Variants in LVRN observed in about 807,000 individuals in gnomAD.
LVRN encodes the protein laeverin, also known as aminopeptidase Q.
LVRN carries 99 observed loss-of-function variants against 111.4 expected under a neutral mutation model. That is an observed-to-expected ratio of 0.89 (90% CI 0.76 to 1.05). LVRN has a LOEUF of 1.05. Ranked by LOEUF, LVRN falls within the 50% of genes least tolerant of loss-of-function variation. LVRN has a pLI of 0.00. For synonymous variants in LVRN, 488 were observed against 449.5 expected (o/e 1.09, Z -1.08); for missense variants, 1,414 against 1,206.8 (o/e 1.17, Z -2.54).
rs952678140 is a variant in LVRN, at chr5:115,992,333, C to T, written c.1260+56C>T. 29 of 1,591,180 alleles carry T rather than the reference C, an allele frequency of 1.8e-5. No individual in the cohort carries two copies. The African/African-American group carries it at 3.9e-4, about 22-fold the overall frequency. ...TTGAAGTTATTCTCCAGGTGCGCTA[C>T]CAAAATAGCATAAAAACCCCAGTAA... On this transcript the variant is annotated intron_variant, in intron 5 of 19. Transcript: ENST00000357872.
rs369804921 is a variant in LVRN at position 116,002,157 on chromosome 5, T to C, written c.1821-678T>C. On this transcript the variant is annotated intron_variant, in intron 10 of 19. Coordinates refer to ENST00000357872, the MANE Select transcript of LVRN (RefSeq NM_173800.5). ...ACTCTGTGGTTTTTGAGAAGACCTG[T>C]GTGTCTTAGCTATGCAGATAAACAC... Among the ~76,000 whole-genome samples, 26 of 152,346 alleles carry C rather than the reference T, an allele frequency of 1.7e-4. No individual in the cohort carries two copies. In the South Asian group the frequency reaches 1.9e-3, roughly 11 times the overall value.
intron 1 of LVRN, among the ~76,000 whole-genome samples, chr5:115,981,382 C>T (rs761341153): frequency 2.0e-5 from 3 of 152,048 alleles, no homozygotes; most frequent in Non-Finnish European, 4.4e-5. Flanking sequence ...ACCAGGGCGA[C>T]GAATATGACT....
At chr5:115,967,214 T>G (rs1429741982) in intron 1 of LVRN, among the ~76,000 whole-genome samples, 3 of 152,202 alleles carry the variant, frequency 2.0e-5, no homozygotes, top group Non-Finnish European at 4.4e-5. Flanking sequence ...GTGTCATGCC[T>G]GAGAACTCTT....
intron 1 of LVRN, among the ~76,000 whole-genome samples, chr5:115,980,517 G>T (rs1753539809): frequency 6.6e-6 from 1 of 152,084 alleles, no homozygotes; most frequent in African/African-American, 2.4e-5. Flanking sequence ...TGTTTGATTT[G>T]CTGAAGTGGT....
At chr5:115,994,461 C>T (rs954595996) in intron 6 of LVRN, among the ~76,000 whole-genome samples, 8 of 152,130 alleles carry the variant, frequency 5.3e-5, no homozygotes, top group South Asian at 2.1e-4. Flanking sequence ...TTTGTAGAGA[C>T]GGGGTTTCGC....
intron 13 of LVRN, among the ~76,000 whole-genome samples, chr5:116,009,914 G>T (rs574838864): frequency 6.6e-6 from 1 of 152,342 alleles, no homozygotes; most frequent in East Asian, 1.9e-4. Flanking sequence ...AGCAGGATGT[G>T]TGAGGGGATT....
rs745873276 is a variant in LVRN at position 116,000,519 on chromosome 5, T to A, written c.1581+21T>A. On this transcript the variant is annotated intron_variant, in intron 8 of 19. Coordinates refer to ENST00000357872, the MANE Select transcript of LVRN (RefSeq NM_173800.5). Reference sequence around the variant, plus strand: ...TCAAGGTGAGTTTGCAAAATAGTCGTTACCTGGATGGCAGTAAACATAAAT... The same window carrying A: ...TCAAGGTGAGTTTGCAAAATAGTCGATACCTGGATGGCAGTAAACATAAAT... 3.1e-6 allele frequency: 5 copies of A among 1,613,550 alleles called. No individual in the cohort carries two copies. In the East Asian group the frequency reaches 8.9e-5, roughly 29 times the overall value.
chr5:116,023,822 G>A (rs1314507369), intron 19 of LVRN, among the ~76,000 whole-genome samples: 2 of 152,174 alleles, frequency 1.3e-5, no homozygotes, highest in Non-Finnish European at 2.9e-5. Flanking sequence ...TTATCCTACT[G>A]GGAGGAATGT....
intron 12 of LVRN, 80 bp from the exon 13 acceptor site, chr5:116,005,832 T>C: frequency 8.1e-7 from 1 of 1,227,982 alleles, no homozygotes; most frequent in Non-Finnish European, 1.2e-6. Context: ...AGCAGTAATC[T>C]TTAAATTGTT....
chr5:116,025,181 T>A (rs1282085900), intron 19 of LVRN, among the ~76,000 whole-genome samples: 1 of 152,068 alleles, frequency 6.6e-6, no homozygotes, highest in East Asian at 1.9e-4. Context: ...GGGGGAGGAT[T>A]GTTCCTGGCT....
At chr5:115,985,310 A>G (rs1176941862) in intron 3 of LVRN, among the ~76,000 whole-genome samples, 1 of 152,146 alleles carries the variant, frequency 6.6e-6, no homozygotes, top group Non-Finnish European at 1.5e-5. Flanking sequence ...TTGGTTTGGA[A>G]TGTTTTATTA....
chr5:116,021,611 G>C, intron 18 of LVRN: 1 of 316,712 alleles, frequency 3.2e-6, no homozygotes, highest in South Asian at 2.7e-5. Context: ...ACATATTTTT[G>C]AAGTAAATCA....
intron 3 of LVRN, among the ~76,000 whole-genome samples, chr5:115,986,024 C>T (rs1293434600): frequency 6.6e-6 from 1 of 152,232 alleles, no homozygotes; most frequent in Non-Finnish European, 1.5e-5. Flanking sequence ...CAAAGCTACT[C>T]CTCCTTTACA....
At chr5:116,014,652 ATTCTT>A (rs1368231112) in intron 16 of LVRN, 125 bp downstream of exon 16, 36 of 722,362 alleles carry the variant, frequency 5.0e-5, no homozygotes, top group African/African-American at 9.0e-5. Flanking sequence ...CTCTCCTACT[ATTCTT>A]TTCAAATACC....
At chr5:115,968,149 A>G (rs1033549592) in intron 1 of LVRN, among the ~76,000 whole-genome samples, 1 of 152,162 alleles carries the variant, frequency 6.6e-6, no homozygotes, top group East Asian at 1.9e-4. Context: ...AAGAATGAAC[A>G]TTCTTGCTTT....
intron 3 of LVRN, among the ~76,000 whole-genome samples, chr5:115,986,993 T>A (rs190393669): frequency 1.4e-3 from 217 of 152,334 alleles, no homozygotes; most frequent in Middle Eastern, 3.4e-3. Flanking sequence ...TTATGCATGT[T>A]CTTTAACATT....
In LVRN at chr5:116,026,455, A is replaced by G; in HGVS notation, c.*337A>G. ...GAAGGCCAGTGGAATATAAAAATCA[A>G]TGGCATTAATGAGGAGCACATTCTT... is the stretch of plus-strand genomic sequence containing the variant. On this transcript the variant is annotated 3_prime_UTR_variant, in exon 20 of 20. Coordinates refer to ENST00000357872, the MANE Select transcript of LVRN (RefSeq NM_173800.5). The G allele has an allele frequency of 3.1e-6, 1 of 321,468 alleles. No homozygotes were observed. Among genetic ancestry groups the G allele is most frequent in the South Asian group, 2.9e-5 (1 of 34,596 alleles). The allele number at this position is 321,468 out of a possible 1,614,324, so 19.9% of individuals were successfully genotyped here. A position where few individuals can be genotyped will look rare whatever the true frequency, so the allele number is the denominator to read the frequency against.
intron 4 of LVRN, among the ~76,000 whole-genome samples, chr5:115,989,033 T>G (rs1225219816): frequency 6.6e-6 from 1 of 152,040 alleles, no homozygotes; most frequent in Non-Finnish European, 1.5e-5. Flanking sequence ...CTTCTTACTG[T>G]CCCCCTAGTT....
intron 1 of LVRN, among the ~76,000 whole-genome samples, chr5:115,981,103 A>G (rs796351728): frequency 5.9e-5 from 9 of 152,280 alleles, no homozygotes; most frequent in African/African-American, 2.2e-4. Context: ...TCTTTCCACT[A>G]TATTGTCAAT....
Sources: allele counts gnomAD v4.1 joint callset (sites outside exome capture counted in the v4.1 genomes callset), GRCh38; gene constraint gnomAD v4.1.1; transcripts MANE v1.5; gene names NCBI Gene and HGNC (gene_info 2026-07-23, HGNC 2026-07-21).